The following SOX5 variants were observed in gnomAD, a reference collection of about 807,000 sequenced individuals.
SOX5 encodes the protein transcription factor SOX-5.
In SOX5, 9 loss-of-function variants were observed where a neutral mutation model predicts 92.0. That is an observed-to-expected ratio of 0.10 (90% CI 0.06 to 0.17). The LOEUF is 0.17. SOX5 is among the 10% of genes least tolerant of loss of function. The pLI is 1.00. For synonymous variants in SOX5, 344 were observed against 336.3 expected (o/e 1.02, Z -0.25); for missense variants, 642 against 944.5 (o/e 0.68, Z 4.20).
At chr12:24,121,775 G>A (rs1408782720) in intron 4 of SOX5, among the ~76,000 whole-genome samples, 1 of 149,304 alleles carries the variant, frequency 6.7e-6, no homozygotes, top group Non-Finnish European at 1.5e-5. Flanking sequence ...AGTCCAAGAT[G>A]TTTGGGAGGC....
intron 7 of SOX5, among the ~76,000 whole-genome samples, chr12:23,654,546 C>G (rs1428020844): frequency 6.6e-6 from 1 of 151,990 alleles, no homozygotes; most frequent in Non-Finnish European, 1.5e-5. Context: ...TAAATCCAAC[C>G]AAGATGAAAT....
chr12:24,464,276 G>A (rs1284909474), intron 1 of SOX5, among the ~76,000 whole-genome samples: 1 of 151,756 alleles, frequency 6.6e-6, no homozygotes, highest in Non-Finnish European at 1.5e-5. Flanking sequence ...TGTGAAGCTT[G>A]TGTTTGTAGT....
At chr12:23,720,402 CTAAAATATT>C (rs1836545114) in intron 6 of SOX5, among the ~76,000 whole-genome samples, 2 of 152,126 alleles carry the variant, frequency 1.3e-5, no homozygotes, top group South Asian at 4.1e-4. Context: ...AAGAGGCCCT[CTAAAATATT>C]TGAGTTTTAC....
At chr12:24,306,245 G>A (rs1201496111) in intron 2 of SOX5, among the ~76,000 whole-genome samples, 2 of 152,158 alleles carry the variant, frequency 1.3e-5, no homozygotes, top group South Asian at 2.1e-4. Context: ...GTTGGGTGAT[G>A]CCTGCACCGC....
intron 4 of SOX5, among the ~76,000 whole-genome samples, chr12:23,750,560 T>C (rs183353378): frequency 6.6e-6 from 1 of 152,012 alleles, no homozygotes; most frequent in Non-Finnish European, 1.5e-5. Flanking sequence ...AGCTTTGGAA[T>C]TCATATCTAC....
At chr12:24,366,298 T>A (rs1044076122) in intron 2 of SOX5, among the ~76,000 whole-genome samples, 13 of 152,122 alleles carry the variant, frequency 8.5e-5, no homozygotes, top group African/African-American at 3.1e-4. Flanking sequence ...GCCTAGTCCA[T>A]GAAAATTACA....
At chr12:23,744,298 C>T (rs75532718) in intron 4 of SOX5, among the ~76,000 whole-genome samples, 9,455 of 152,178 alleles carry the variant, frequency 0.062, 324 homozygotes, top group South Asian at 0.091. Flanking sequence ...TTCTAAAATA[C>T]ATAGTTTCAC....
At chr12:24,037,234 A>G (rs2136946060) in intron 4 of SOX5, among the ~76,000 whole-genome samples, 2 of 152,278 alleles carry the variant, frequency 1.3e-5, no homozygotes, top group South Asian at 4.1e-4. Context: ...AATGAATAAC[A>G]TATACACACA....
intron 3 of SOX5, among the ~76,000 whole-genome samples, chr12:23,789,563 C>T (rs890075758): frequency 1.3e-5 from 2 of 152,078 alleles, no homozygotes; most frequent in East Asian, 1.9e-4. Context: ...AAATATTAAC[C>T]TAGATCTTGA....
chr12:24,018,535 C>A (rs1344129644), intron 4 of SOX5, among the ~76,000 whole-genome samples: 3 of 152,150 alleles, frequency 2.0e-5, no homozygotes, highest in Admixed American at 2.0e-4. Context: ...GTGGCTCATA[C>A]CTGTAATCCC....
intron 4 of SOX5, among the ~76,000 whole-genome samples, chr12:24,185,985 A>T (rs1431433500): frequency 6.6e-6 from 1 of 152,134 alleles, no homozygotes; most frequent in Non-Finnish European, 1.5e-5. Context: ...TTCTTATTAT[A>T]CTATGCTCTC....
intron 2 of SOX5, among the ~76,000 whole-genome samples, chr12:23,893,451 A>G (rs991029876): frequency 1.5e-4 from 23 of 152,244 alleles, no homozygotes; most frequent in African/African-American, 5.5e-4. Context: ...TCTCAAAAAA[A>G]AAAAATAGGA....
chr12:23,593,072 C>T (rs1280525035), intron 9 of SOX5, among the ~76,000 whole-genome samples: 5 of 89,408 alleles, frequency 5.6e-5, no homozygotes, highest in Non-Finnish European at 1.2e-4. Context: ...GAGTTAGACC[C>T]TGTCTCAAAA....
intron 7 of SOX5, among the ~76,000 whole-genome samples, chr12:23,650,766 A>G (rs2081459635): frequency 6.6e-6 from 1 of 152,130 alleles, no homozygotes; most frequent in South Asian, 2.1e-4. Flanking sequence ...TAGAGCTCAT[A>G]TCTTGAAGAG....
chr12:23,689,640 T>G (rs1192307616), intron 6 of SOX5, among the ~76,000 whole-genome samples: 1 of 152,094 alleles, frequency 6.6e-6, no homozygotes, highest in Non-Finnish European at 1.5e-5. Flanking sequence ...CTTTTTCCTA[T>G]CTCCCAAAAA....
chr12:24,442,489 A>G (rs1940785794), intron 1 of SOX5, among the ~76,000 whole-genome samples: 1 of 152,214 alleles, frequency 6.6e-6, no homozygotes, highest in South Asian at 2.1e-4. Context: ...AGCAAAGAAG[A>G]GAGAGAGATT....
chr12:24,046,650 T>C (rs1344964794), intron 4 of SOX5, among the ~76,000 whole-genome samples: 3 of 148,846 alleles, frequency 2.0e-5, no homozygotes, highest in Non-Finnish European at 4.4e-5. Context: ...CTTGTAGCTA[T>C]AGAAAAGGTT....
At chr12:23,733,315 G>C (rs890929039) in intron 6 of SOX5, among the ~76,000 whole-genome samples, 1 of 152,120 alleles carries the variant, frequency 6.6e-6, no homozygotes, top group Non-Finnish European at 1.5e-5. Flanking sequence ...CCTATGCTTT[G>C]ATAATTAATA....
At chr12:24,018,720 C>T (rs190656954) in intron 4 of SOX5, among the ~76,000 whole-genome samples, 1 of 152,110 alleles carries the variant, frequency 6.6e-6, no homozygotes, top group Non-Finnish European at 1.5e-5. Context: ...TCGCTTGAAC[C>T]TGGGAGGCGG....
Sources: allele counts gnomAD v4.1 joint callset (sites outside exome capture counted in the v4.1 genomes callset), GRCh38; gene constraint gnomAD v4.1.1; transcripts MANE v1.5; gene names NCBI Gene and HGNC (gene_info 2026-07-23, HGNC 2026-07-21).